The following ADAMTS17 variants were observed in gnomAD, a reference collection of about 807,000 sequenced individuals.
ADAMTS17 encodes A disintegrin and metalloproteinase with thrombospondin motifs 17.
A neutral mutation model predicts 141.5 loss-of-function variants in ADAMTS17; 113 were observed. That is an observed-to-expected ratio of 0.80 (90% CI 0.69 to 0.93). ADAMTS17 has a LOEUF of 0.93. Ranked by LOEUF, ADAMTS17 falls within the 40% of genes least tolerant of loss-of-function variation. The probability of loss-of-function intolerance (pLI) is 0.00; values close to 1 mark genes in which losing one functional copy is unlikely to be tolerated. For synonymous variants in ADAMTS17, 768 were observed against 630.6 expected, an observed-to-expected ratio of 1.22 and a Z score of -3.27; for missense variants, 1,659 against 1,517.9, an observed-to-expected ratio of 1.09 and a Z score of -1.54.
chr15:100,324,755 G>T lies in ADAMTS17; in HGVS notation c.616+6134C>A, dbSNP rs868174157. Among the ~76,000 whole-genome samples the T allele has an allele frequency of 2.0e-4, 30 of 152,306 alleles. 1 individual carries two copies. The highest frequency in any genetic ancestry group is 6.8e-3 in the Middle Eastern group (2 of 294). The stretch of plus-strand genomic sequence containing the variant: ...AATACAGAAAAAGGGCATTGAAGTG[G>T]TCTCCTCAATAGTCAAAAATGAGCA... On this transcript the variant is annotated intron_variant, in intron 3 of 21. Coordinates refer to ENST00000268070, the MANE Select transcript of ADAMTS17 (RefSeq NM_139057.4).
intron 7 of ADAMTS17, among the ~76,000 whole-genome samples, chr15:100,202,232 A>G (rs1338675342): frequency 2.0e-5 from 3 of 152,234 alleles, no homozygotes; most frequent in African/African-American, 7.2e-5. Context: ...TAATTAGGTA[A>G]CGTGCAATGC....
intron 7 of ADAMTS17, among the ~76,000 whole-genome samples, chr15:100,248,542 G>A (rs547360076): frequency 6.4e-4 from 98 of 152,300 alleles, no homozygotes; most frequent in Middle Eastern, 3.4e-3. Context: ...AACAGTGGCT[G>A]GAAAGCAGAC....
chr15:100,333,667 C>T (rs982261616), intron 2 of ADAMTS17, among the ~76,000 whole-genome samples: 9 of 152,208 alleles, frequency 5.9e-5, no homozygotes, highest in African/African-American at 9.7e-5. Context: ...CACGACTGCG[C>T]GTGGCCCCAA....
At chr15:100,031,564 T>C (rs2030167575) in intron 18 of ADAMTS17, among the ~76,000 whole-genome samples, 1 of 152,164 alleles carries the variant, frequency 6.6e-6, no homozygotes, top group South Asian at 2.1e-4. Context: ...CAGCCTCTGA[T>C]TTCCACCCCT....
At chr15:100,049,133 G>T in intron 17 of ADAMTS17, 141 bp from the exon 18 acceptor site, 1 of 1,294,684 alleles carries the variant, frequency 7.7e-7, no homozygotes, top group Non-Finnish European at 1.1e-6. Context: ...ATGTCATGTG[G>T]GTTTTTAGAG....
chr15:100,200,402 C>G (rs974230522), intron 7 of ADAMTS17, among the ~76,000 whole-genome samples: 1 of 152,062 alleles, frequency 6.6e-6, no homozygotes, highest in East Asian at 1.9e-4. Flanking sequence ...GGAGGGCGAG[C>G]CCATGCCGGC....
intron 8 of ADAMTS17, among the ~76,000 whole-genome samples, chr15:100,198,126 A>G (rs1349209870): frequency 1.3e-5 from 2 of 152,214 alleles, no homozygotes; most frequent in African/African-American, 4.8e-5. Context: ...TACCTATGTA[A>G]CAAACCTGCA....
At chr15:100,075,201 G>A (rs944771159) in intron 15 of ADAMTS17, among the ~76,000 whole-genome samples, 28 of 152,048 alleles carry the variant, frequency 1.8e-4, no homozygotes, top group African/African-American at 6.8e-4. Flanking sequence ...ATATCATTTT[G>A]ACATTGTATT....
intron 3 of ADAMTS17, among the ~76,000 whole-genome samples, chr15:100,285,703 G>A (rs955284529): frequency 1.3e-5 from 2 of 152,180 alleles, no homozygotes; most frequent in Admixed American, 1.3e-4. Flanking sequence ...TGACCCGCAC[G>A]AATGCTTGAG....
chr15:99,982,444 C>G (rs1290157699), intron 20 of ADAMTS17, among the ~76,000 whole-genome samples: 4 of 152,182 alleles, frequency 2.6e-5, no homozygotes, highest in Non-Finnish European at 5.9e-5. Context: ...TGATTCCAGA[C>G]AGGTCTGAAG....
In ADAMTS17 at chr15:99,982,251, C is replaced by G. The variant is rs564828408; in HGVS notation, c.2950-6029G>C. On this transcript the variant is annotated intron_variant, in intron 20 of 21. Transcript: ENST00000268070. ...CAGCGAGCTGGGCAGGGAGCTCCTGCAGCCCAGCAAGGCACACTGCGTCAC... is the reference window on the plus strand; with the variant it reads ...CAGCGAGCTGGGCAGGGAGCTCCTGGAGCCCAGCAAGGCACACTGCGTCAC... Among the ~76,000 whole-genome samples, 3 of 152,338 alleles carry G rather than the reference C, an allele frequency of 2.0e-5. No homozygotes were observed. In the South Asian group the frequency reaches 6.2e-4, roughly 32 times the overall value.
chr15:100,114,794 T>A (rs1427055150), intron 13 of ADAMTS17, among the ~76,000 whole-genome samples: 2 of 152,162 alleles, frequency 1.3e-5, no homozygotes, highest in Admixed American at 6.5e-5. Flanking sequence ...GGGTGGAGGA[T>A]CTGGGCAGAC....
chr15:100,299,630 C>A (rs567051273), intron 3 of ADAMTS17, among the ~76,000 whole-genome samples: 1 of 152,136 alleles, frequency 6.6e-6, no homozygotes, highest in Non-Finnish European at 1.5e-5. Context: ...AAGAAATCGA[C>A]GGCTTCTCTG....
chr15:100,160,184 T>C (rs966315861), intron 8 of ADAMTS17, among the ~76,000 whole-genome samples: 5 of 151,886 alleles, frequency 3.3e-5, no homozygotes, highest in Non-Finnish European at 7.4e-5. Flanking sequence ...ACTCTCCCTG[T>C]AGGCATTCTC....
Position 99,974,478 on chromosome 15 carries a change from C to T in ADAMTS17, c.3212G>A (p.Arg1071Gln), listed in dbSNP as rs772111759. 4.8e-5 allele frequency: 77 copies of T among 1,614,208 alleles called. No individual in the cohort carries two copies. Among genetic ancestry groups the T allele is most frequent in the Middle Eastern group, 1.6e-4 (1 of 6,062 alleles). Residue 1071 changes from arginine to glutamine, a missense_variant, in exon 22 of 22, where the codon CGG (arginine) becomes CAG (glutamine). Arg to Gln is a conservative substitution (Grantham distance 43). Transcript: ENST00000268070. ...IREKNLCQDM[R>Q]WYQRCCQTCR... ...GGTCTGGCAGCAGCGCTGGTACCAC[C>T]GCATGTCCTGGCAGAGGTTCTTTTC...
chr15:100,291,818 G>A (rs531184589), intron 3 of ADAMTS17, among the ~76,000 whole-genome samples: 5 of 152,188 alleles, frequency 3.3e-5, no homozygotes, highest in African/African-American at 7.2e-5. Flanking sequence ...AGAAGTGAAC[G>A]ACCTATCGGG....
intron 4 of ADAMTS17, among the ~76,000 whole-genome samples, chr15:100,269,356 G>A (rs1230074349): frequency 6.6e-6 from 1 of 152,202 alleles, no homozygotes; most frequent in African/African-American, 2.4e-5. Context: ...GAGTAGAGGT[G>A]TTGGGTCATA....
At chr15:100,098,188 G>A (rs2035878220) in intron 14 of ADAMTS17, among the ~76,000 whole-genome samples, 1 of 152,114 alleles carries the variant, frequency 6.6e-6, no homozygotes, top group Non-Finnish European at 1.5e-5. Flanking sequence ...AGACACATAT[G>A]GTAACTGGCA....
Position 99,993,479 on chromosome 15 carries a change from T to C in ADAMTS17, c.2797-279A>G, listed in dbSNP as rs543888378. On this transcript the variant is annotated intron_variant, in intron 19 of 21. Transcript: ENST00000268070. This position sits in a 1 kb window ranked among gnomAD's most constrained non-coding sequence, Gnocchi z 4.3. ...GTCACATGAGGGGAGTGGAATTCAG[T>C]GGCCACTTGTCGGGTCCAAAAGCTC... Among the ~76,000 whole-genome samples, 3 of 152,230 alleles carry C rather than the reference T, an allele frequency of 2.0e-5. No homozygotes were observed. The highest frequency in any genetic ancestry group is 4.4e-5 in the Non-Finnish European group (3 of 68,008).
Sources: gnomAD v4.1 joint callset for allele counts (sites outside exome capture counted in the v4.1 genomes callset) on GRCh38, gnomAD v4.1.1 for gene constraint, Gnocchi (gnomAD v3.1) non-coding constraint, MANE v1.5 for transcripts, NCBI Gene and HGNC (gene_info 2026-07-23, HGNC 2026-07-21) for gene names.